Variants in CNTN5 observed in about 807,000 individuals in gnomAD.
CNTN5 encodes the protein contactin-5.
In CNTN5, 77 loss-of-function variants were observed where a neutral mutation model predicts 129.1. That is an observed-to-expected ratio of 0.60 (90% CI 0.50 to 0.72). CNTN5 has a LOEUF of 0.72. Ranked by LOEUF, CNTN5 falls within the 30% of genes least tolerant of loss-of-function variation. The pLI, the probability that CNTN5 is intolerant of heterozygous loss-of-function variation, is 0.00. For missense variants in CNTN5, 1,478 were observed against 1,328.8 expected (o/e 1.11, Z -1.75); for synonymous variants, 509 against 465.6 (o/e 1.09, Z -1.20).
chr11:99,195,965 T>C (rs1858881628), intron 1 of CNTN5, among the ~76,000 whole-genome samples: 1 of 151,966 alleles, frequency 6.6e-6, no homozygotes, highest in African/African-American at 2.4e-5. Flanking sequence ...ACTTTTTAAG[T>C]TAGTTATTTA....
chr11:99,917,134 C>T (rs910900576), intron 7 of CNTN5, among the ~76,000 whole-genome samples: 12 of 151,972 alleles, frequency 7.9e-5, no homozygotes, highest in Non-Finnish European at 1.8e-4. Context: ...CGAAAGTATG[C>T]TGCATATCAA....
In CNTN5 at chr11:100,299,387, G is replaced by C. The variant is rs200130506; in HGVS notation, c.2611G>C (p.Ala871Pro). ...PFSQIVVICS[A>P]EGEPSAAPTD... ...TAGTCAAATTGTGGTCATCTGTTCA[G>C]CTGAAGGAGGTCAGTTTTTTTATTC... The change falls in exon 20 of 25, where the codon GCT (alanine) becomes CCT (proline). Residue 871 changes from alanine to proline, a missense_variant. By Grantham distance (27) the Ala-to-Pro change is conservative. Coordinates refer to ENST00000524871, the MANE Select transcript of CNTN5 (RefSeq NM_014361.4). 5.6e-4 allele frequency: 881 copies of C among 1,582,352 alleles called. 2 individuals are homozygous for C. The highest frequency in any genetic ancestry group is 1.1e-3 in the South Asian group (91 of 85,110).
intron 1 of CNTN5, among the ~76,000 whole-genome samples, chr11:99,283,466 T>C (rs904457192): frequency 6.6e-6 from 1 of 151,870 alleles, no homozygotes; most frequent in Non-Finnish European, 1.5e-5. Context: ...TTGTTAAGAG[T>C]TGTAGGAAAA....
chr11:100,266,630 C>CTTT (rs5794047), intron 17 of CNTN5, among the ~76,000 whole-genome samples: 1,666 of 140,772 alleles, frequency 0.012, 26 homozygotes, highest in African/African-American at 0.028. Context: ...ATTTCCAAAT[C>CTTT]TTTTTTTTTT....
intron 13 of CNTN5, among the ~76,000 whole-genome samples, chr11:100,141,966 A>G (rs1480142633): frequency 6.6e-6 from 1 of 152,034 alleles, no homozygotes; most frequent in African/African-American, 2.4e-5. Context: ...GTACCATTCA[A>G]TTGGCTGGGG....
chr11:99,735,122 C>T (rs1007007839), intron 3 of CNTN5, among the ~76,000 whole-genome samples: 3 of 152,200 alleles, frequency 2.0e-5, no homozygotes, highest in Non-Finnish European at 4.4e-5. Flanking sequence ...TTCGTACCTA[C>T]TATGTACTAG....
At chr11:99,571,132 T>C (rs1192667585) in intron 3 of CNTN5, among the ~76,000 whole-genome samples, 2 of 152,226 alleles carry the variant, frequency 1.3e-5, no homozygotes, top group Admixed American at 1.3e-4. Flanking sequence ...CTTTCTGCTT[T>C]ATGGAAAACC....
intron 6 of CNTN5, among the ~76,000 whole-genome samples, chr11:99,856,075 G>T (rs935718372): frequency 2.0e-5 from 3 of 152,120 alleles, no homozygotes; most frequent in Admixed American, 6.5e-5. Flanking sequence ...TTCTAAGAAG[G>T]CTCACTAATT....
intron 7 of CNTN5, among the ~76,000 whole-genome samples, chr11:99,945,351 G>GCA (rs1950530461): frequency 6.6e-6 from 1 of 152,010 alleles, no homozygotes; most frequent in African/African-American, 2.4e-5. Flanking sequence ...GTGTATGACT[G>GCA]TCCTGCAAAG....
intron 1 of CNTN5, among the ~76,000 whole-genome samples, chr11:99,282,991 T>C (rs1021532939): frequency 8.5e-5 from 13 of 152,112 alleles, no homozygotes; most frequent in Non-Finnish European, 8.8e-5. Flanking sequence ...CTCCTACAAT[T>C]CAACAGACGT....
intron 6 of CNTN5, among the ~76,000 whole-genome samples, chr11:99,886,491 T>G (rs1259241701): frequency 6.6e-6 from 1 of 152,196 alleles, no homozygotes; most frequent in African/African-American, 2.4e-5. Context: ...TACCATTTGA[T>G]GTCTAATAAG....
At chr11:99,408,448 G>GAAAGAGAAATAAAGAA (rs71305322) in intron 2 of CNTN5, among the ~76,000 whole-genome samples, 2 of 78,088 alleles carry the variant, frequency 2.6e-5, no homozygotes, top group African/African-American at 1.1e-4. Flanking sequence ...AAGAAAGAAA[G>GAAAGAGAAATAAAGAA]AGAAAGAAAG....
At chr11:99,766,956 C>T (rs1049506016) in intron 3 of CNTN5, among the ~76,000 whole-genome samples, 1 of 152,018 alleles carries the variant, frequency 6.6e-6, no homozygotes, top group African/African-American at 2.4e-5. Flanking sequence ...CAGATATTTG[C>T]TTATCACTCC....
chr11:99,230,892 A>G (rs1860959892), intron 1 of CNTN5, among the ~76,000 whole-genome samples: 3 of 152,162 alleles, frequency 2.0e-5, no homozygotes, highest in African/African-American at 7.2e-5. Context: ...CTTATAAGTG[A>G]AAACGTGTGG....
chr11:100,264,942 G>T (rs1950272319), intron 17 of CNTN5, among the ~76,000 whole-genome samples: 1 of 152,036 alleles, frequency 6.6e-6, no homozygotes, highest in Non-Finnish European at 1.5e-5. Flanking sequence ...GCATGAGATG[G>T]TATCTCATTG....
chr11:100,014,899 A>G (rs902274514), intron 9 of CNTN5, among the ~76,000 whole-genome samples: 2 of 152,094 alleles, frequency 1.3e-5, no homozygotes, highest in Non-Finnish European at 2.9e-5. Flanking sequence ...AACCAAGCAC[A>G]ACTCTCCACA....
chr11:99,567,527 C>T (rs780350293), intron 3 of CNTN5, among the ~76,000 whole-genome samples: 4 of 151,744 alleles, frequency 2.6e-5, no homozygotes, highest in Non-Finnish European at 4.4e-5. Context: ...TCTTGGTGGC[C>T]GTGTGGTAAA....
intron 6 of CNTN5, among the ~76,000 whole-genome samples, chr11:99,899,558 C>T (rs1027643055): frequency 4.6e-5 from 7 of 152,218 alleles, no homozygotes; most frequent in African/African-American, 1.7e-4. Flanking sequence ...GCCATCCTTG[C>T]ATCCCTTGAG....
Position 100,271,078 on chromosome 11 carries a change from C to T in CNTN5, c.2165-14C>T. On this transcript the variant is annotated splice_polypyrimidine_tract_variant and intron_variant, in intron 17 of 24. Coordinates refer to ENST00000524871, the MANE Select transcript of CNTN5 (RefSeq NM_014361.4). ...AGTCCTCATAATGACATGAAATTTC[C>T]TTCCTTTCTATAGTCCCAGAAATCA... is the stretch of plus-strand genomic sequence containing the variant. 1 of 1,579,082 alleles carries T rather than the reference C, an allele frequency of 6.3e-7. No homozygotes were observed. Among genetic ancestry groups the T allele is most frequent in the Non-Finnish European group, 8.6e-7 (1 of 1,166,088 alleles).
Sources: allele counts gnomAD v4.1 joint callset (sites outside exome capture counted in the v4.1 genomes callset), GRCh38; gene constraint gnomAD v4.1.1; transcripts MANE v1.5; gene names NCBI Gene and HGNC (gene_info 2026-07-23, HGNC 2026-07-21).